The following KIAA0586 variants were observed in gnomAD, a reference collection of about 807,000 sequenced individuals.
KIAA0586 encodes the protein protein TALPID3.
A neutral mutation model predicts 169.8 loss-of-function variants in KIAA0586; 144 were observed. The observed-to-expected ratio is 0.85, with a 90% CI of 0.74 to 0.97. The LOEUF (loss-of-function observed/expected upper bound fraction) is 0.97, where lower values mean the gene tolerates loss of function less well. Among genes scored for constraint, KIAA0586 ranks in the 50% least tolerant of loss-of-function variants. The pLI is 0.00. For missense variants in KIAA0586, 1,854 were observed against 1,823.0 expected (o/e 1.02, Z -0.31); for synonymous variants, 625 against 612.4 (o/e 1.02, Z -0.30).
At chr14:58,512,420 G>A (rs895283115) in intron 28 of KIAA0586, 102 bp from the exon 29 acceptor site, 3 of 618,876 alleles carry the variant, frequency 4.8e-6, no homozygotes, top group Non-Finnish European at 8.0e-6. Context: ...TAGAAAGCAA[G>A]CATATTATTA....
chr14:58,557,532 C>T, the KIAA0586 span, among the ~76,000 whole-genome samples: 2 of 152,162 alleles, frequency 1.3e-5, no homozygotes, highest in African/African-American at 2.4e-5. Flanking sequence ...TGCTGCACCC[C>T]GCCGGTGTAG....
At chr14:58,441,100 A>G in intron 4 of KIAA0586, 1 of 83,530 alleles carries the variant, frequency 1.2e-5, no homozygotes. Context: ...CACTGTAAAT[A>G]TATACAATTT....
chr14:58,466,642 A>C (rs1279577671), intron 15 of KIAA0586, among the ~76,000 whole-genome samples: 2 of 152,144 alleles, frequency 1.3e-5, no homozygotes, highest in African/African-American at 4.8e-5. Context: ...AAGCAGGAGA[A>C]TCCCTTCAGT....
chr14:58,522,183 C>T (rs1275969078), intron 29 of KIAA0586, among the ~76,000 whole-genome samples: 4 of 152,050 alleles, frequency 2.6e-5, no homozygotes, highest in African/African-American at 4.8e-5. Flanking sequence ...TCCTTTGATG[C>T]CCTAGTAGTT....
At chr14:58,507,177 A>G (rs1023985268) in intron 27 of KIAA0586, among the ~76,000 whole-genome samples, 1 of 145,012 alleles carries the variant, frequency 6.9e-6, no homozygotes, top group African/African-American at 2.5e-5. Flanking sequence ...ATATATATAT[A>G]TGTGTATGTA....
At chr14:58,556,940 T>G in the KIAA0586 span, among the ~76,000 whole-genome samples, 1 of 152,150 alleles carries the variant, frequency 6.6e-6, no homozygotes, top group African/African-American at 2.4e-5. Context: ...AGACGGGGTT[T>G]CTCCCTGTTG....
intron 21 of KIAA0586, among the ~76,000 whole-genome samples, chr14:58,483,163 TC>T (rs2042152136): frequency 1.8e-3 from 1 of 552 alleles, no homozygotes; most frequent in African/African-American, 2.5e-3. Context: ...AAGTCAGCCC[TC>T]TATATATATA....
Position 58,492,137 on chromosome 14 carries a change from C to T in KIAA0586, c.3859-7C>T. On this transcript the variant is annotated splice_polypyrimidine_tract_variant and splice_region_variant and intron_variant, in intron 25 of 30. Coordinates refer to ENST00000652326, the MANE Select transcript of KIAA0586 (RefSeq NM_001329943.3). ...ATTTTTATTAATTGTCTTTATGTTT[C>T]TTTTAGGAGGATGATCCTCCTAGTG... 1 of 1,508,862 alleles carries T rather than the reference C, an allele frequency of 6.6e-7. No individual in the cohort carries two copies. The highest frequency in any genetic ancestry group is 8.9e-7 in the Non-Finnish European group (1 of 1,129,834). 93.5% of individuals were successfully genotyped at this position (1,508,862 alleles called of 1,614,324 possible).
intron 30 of KIAA0586, 80 bp from the exon 31 acceptor site, chr14:58,547,701 T>A: frequency 1.7e-4 from 101 of 581,622 alleles, no homozygotes; most frequent in East Asian, 2.8e-4. Flanking sequence ...CACCCCAACC[T>A]CATATTATTT....
intron 19 of KIAA0586, among the ~76,000 whole-genome samples, chr14:58,476,856 GC>G (rs2041673181): frequency 6.6e-6 from 1 of 151,756 alleles, no homozygotes; most frequent in Admixed American, 6.6e-5. Context: ...ACAGTGTTTT[GC>G]CCTGTTTGCC....
chr14:58,484,924 A>ATAAATATATATTT (rs1566877360), intron 21 of KIAA0586, among the ~76,000 whole-genome samples: 16 of 13,046 alleles, frequency 1.2e-3, no homozygotes, highest in Non-Finnish European at 1.9e-3. Context: ...ATATATATAT[A>ATAAATATATATTT]TTTTTTTTTT....
In KIAA0586 at chr14:58,465,938, C is replaced by A. The variant is rs368904420; in HGVS notation, c.2163C>A (p.Gly721=). The change falls in exon 15 of 31, where the codon GGC becomes GGA. Residue 721 remains glycine (G), a synonymous_variant. Coordinates refer to ENST00000652326, the MANE Select transcript of KIAA0586 (RefSeq NM_001329943.3). The stretch of plus-strand genomic sequence containing the variant: ...ATTCTGTTCCTGTGTTACCTCATGG[C>A]GATCAGCAATATTTGTTCAGCCCAA... The part of the protein sequence containing the change: ...MKHSVPVLPH[G]DQQYLFSPSR... 7 of 1,612,342 alleles carry A rather than the reference C, an allele frequency of 4.3e-6. 1 individual carries two copies. The highest frequency in any genetic ancestry group is 5.1e-6 in the Non-Finnish European group (6 of 1,178,706).
intron 7 of KIAA0586, among the ~76,000 whole-genome samples, chr14:58,450,089 T>C (rs2140693626): frequency 6.6e-6 from 1 of 152,316 alleles, no homozygotes; most frequent in African/African-American, 2.4e-5. Context: ...TATTTTACAA[T>C]CTACTTGACC....
intron 4 of KIAA0586, among the ~76,000 whole-genome samples, chr14:58,436,341 A>G (rs552367923): frequency 4.6e-5 from 7 of 152,156 alleles, no homozygotes; most frequent in African/African-American, 1.7e-4. Context: ...TACCATAGCA[A>G]TGTCCCCACC....
intron 26 of KIAA0586, among the ~76,000 whole-genome samples, chr14:58,498,013 G>T (rs990580389): frequency 6.6e-6 from 1 of 151,976 alleles, no homozygotes; most frequent in East Asian, 2.0e-4. Context: ...GAGTAGCTGG[G>T]ACTACAGGTG....
At chr14:58,429,866 A>G (rs773245361) in intron 2 of KIAA0586, among the ~76,000 whole-genome samples, 1 of 152,198 alleles carries the variant, frequency 6.6e-6, no homozygotes, top group Non-Finnish European at 1.5e-5. Context: ...TAAGAATAAC[A>G]TGAAATTATC....
chr14:58,553,350 G>T (rs2140174108), downstream of KIAA0586, among the ~76,000 whole-genome samples: 2 of 152,276 alleles, frequency 1.3e-5, 1 homozygote, highest in South Asian at 4.1e-4. Context: ...AAAGAGGCAG[G>T]TTAGCAGATG....
intron 4 of KIAA0586, among the ~76,000 whole-genome samples, chr14:58,435,835 G>GTAAC (rs1233660699): frequency 6.6e-6 from 1 of 152,120 alleles, no homozygotes; most frequent in Non-Finnish European, 1.5e-5. Context: ...AGCCTCCTGA[G>GTAAC]TAACTGGGAT....
rs755988538 is a variant in KIAA0586 at position 58,457,761 on chromosome 14, A to C, written c.1365A>C (p.Pro455=). The stretch of plus-strand genomic sequence containing the variant: ...TTCTGGTCTTTTTTTCTTTTAAGCC[A>C]AAAGAATCTCTGAGTATGTTGAAGC... ...KEKETNSMVQ[P]KESLSMLKLP... Residue 455 remains proline (P), a splice_region_variant and synonymous_variant, in exon 11 of 31, where the codon CCA becomes CCC. Transcript: ENST00000652326. 3 of 1,578,134 alleles carry C rather than the reference A, an allele frequency of 1.9e-6. No homozygotes were observed. The highest frequency in any genetic ancestry group is 2.6e-6 in the Non-Finnish European group (3 of 1,164,438).
Sources: gnomAD v4.1 joint callset for allele counts (sites outside exome capture counted in the v4.1 genomes callset) on GRCh38, gnomAD v4.1.1 for gene constraint, MANE v1.5 for transcripts, NCBI Gene and HGNC (gene_info 2026-07-23, HGNC 2026-07-21) for gene names.